The following SESN2 variants were observed in gnomAD, a reference collection of about 807,000 sequenced individuals.
The protein encoded by SESN2 is sestrin-2.
A neutral mutation model predicts 56.0 loss-of-function variants in SESN2; 42 were observed. That is an observed-to-expected ratio of 0.75 (90% CI 0.59 to 0.97). SESN2 has a LOEUF of 0.97. Among genes scored for constraint, SESN2 ranks in the 50% least tolerant of loss-of-function variants. The pLI is 0.00. For missense variants in SESN2, 507 were observed against 649.4 expected (o/e 0.78, Z 2.38); for synonymous variants, 264 against 267.1 (o/e 0.99, Z 0.11).
chr1:28,273,923 A>AG (rs747203590), intron 6 of SESN2, 117 bp from the exon 7 acceptor site: 6 of 726,560 alleles, frequency 8.3e-6, no homozygotes, highest in Non-Finnish European at 1.4e-5. Context: ...CACTATAGCA[A>AG]GGGGCTTTTT....
chr1:28,278,378 C>T (rs895383183), intron 8 of SESN2, among the ~76,000 whole-genome samples: 1 of 152,108 alleles, frequency 6.6e-6, no homozygotes, highest in African/African-American at 2.4e-5. Flanking sequence ...ACCAGCCTGA[C>T]CAACATGGTG....
intron 1 of SESN2, among the ~76,000 whole-genome samples, chr1:28,262,047 C>T (rs1383155500): frequency 6.6e-6 from 1 of 152,144 alleles, no homozygotes; most frequent in African/African-American, 2.4e-5. Context: ...TCCCAAAGTG[C>T]TGAGATTACC....
In SESN2 at chr1:28,279,084, C is replaced by T. The variant is rs773185742; in HGVS notation, c.1212-13C>T. The T allele has an allele frequency of 2.1e-5, 34 of 1,613,764 alleles. No individual in the cohort carries two copies. The highest frequency in any genetic ancestry group is 2.9e-5 in the Non-Finnish European group (34 of 1,179,892). On this transcript the variant is annotated splice_polypyrimidine_tract_variant and intron_variant, in intron 8 of 9. Transcript: ENST00000253063. Reference sequence around the variant, plus strand: ...GAAAGCATGAGTAATGCTGCTGGGACCTTTCCATCCAGATATGATGACTAT... The same window carrying T: ...GAAAGCATGAGTAATGCTGCTGGGATCTTTCCATCCAGATATGATGACTAT...
At chr1:28,279,611 T>C (rs1479525332) in intron 9 of SESN2, among the ~76,000 whole-genome samples, 1 of 151,940 alleles carries the variant, frequency 6.6e-6, no homozygotes, top group African/African-American at 2.4e-5. Flanking sequence ...AGTGGCACGA[T>C]CTTGGCTCAC....
intron 1 of SESN2, among the ~76,000 whole-genome samples, chr1:28,264,574 T>G (rs765113212): frequency 3.9e-5 from 6 of 152,196 alleles, no homozygotes; most frequent in Non-Finnish European, 8.8e-5. Context: ...TTTCTTGTTC[T>G]GTTACGTGGA....
intron 4 of SESN2, 44 bp from the exon 5 acceptor site, chr1:28,272,537 G>A (rs1647821996): frequency 6.2e-7 from 1 of 1,609,578 alleles, no homozygotes; most frequent in Admixed American, 1.7e-5. Context: ...GGTAACCCAG[G>A]GCAGGCACTG....
In SESN2 at chr1:28,273,344, G is replaced by T; in HGVS notation, c.751-14G>T. 1 of 1,565,452 alleles carries T rather than the reference G, an allele frequency of 6.4e-7. No homozygotes were observed. The highest frequency in any genetic ancestry group is 8.7e-7 in the Non-Finnish European group (1 of 1,153,706). On this transcript the variant is annotated splice_polypyrimidine_tract_variant and intron_variant, in intron 5 of 9. Transcript: ENST00000253063. ...GAGGAGGAGTAGCTGGTCACCACGG[G>T]GCCTCTCCTGCAGGGCTTTGAGTCT... is the stretch of plus-strand genomic sequence containing the variant.
intron 1 of SESN2, among the ~76,000 whole-genome samples, chr1:28,267,757 G>A (rs935263484): frequency 1.3e-5 from 2 of 152,124 alleles, no homozygotes; most frequent in Non-Finnish European, 2.9e-5. Context: ...TTCTAAAGAG[G>A]CTGCAGCATA....
intron 9 of SESN2, 109 bp downstream of exon 9, chr1:28,279,350 G>C (rs563161497): frequency 2.7e-5 from 30 of 1,126,418 alleles, no homozygotes; most frequent in Admixed American, 1.1e-4. Context: ...GTCCTGCTAG[G>C]TGGGACACCT....
chr1:28,269,314 A>G, intron 2 of SESN2, 66 bp downstream of exon 2: 2 of 1,056,456 alleles, frequency 1.9e-6, no homozygotes, highest in Admixed American at 2.2e-5. Flanking sequence ...ATTGGTAGGC[A>G]GGCATCTTTT....
At chr1:28,275,856 C>T (rs1251533108) in intron 8 of SESN2, among the ~76,000 whole-genome samples, 2 of 152,178 alleles carry the variant, frequency 1.3e-5, no homozygotes, top group South Asian at 4.1e-4. Context: ...GAGTTCAAGA[C>T]GAGCTTGGGC....
intron 1 of SESN2, among the ~76,000 whole-genome samples, chr1:28,268,661 G>A (rs1327369121): frequency 2.8e-4 from 41 of 148,722 alleles, no homozygotes; most frequent in Non-Finnish European, 5.8e-4. Flanking sequence ...GCGATACTCC[G>A]TCTCAAAAAA....
chr1:28,259,963 T>G, intron 1 of SESN2, 26 bp downstream of exon 1: 1 of 1,483,038 alleles, frequency 6.7e-7, no homozygotes, highest in Non-Finnish European at 9.0e-7. Context: ...GCGACGCCCC[T>G]CTTCCCTGGA....
chr1:28,260,180 C>T (rs966921716), intron 1 of SESN2, among the ~76,000 whole-genome samples: 3 of 150,484 alleles, frequency 2.0e-5, no homozygotes, highest in African/African-American at 7.3e-5. Context: ...CCCTCTCCCT[C>T]ACCGCCCCAC....
At chr1:28,263,950 C>T (rs1647470564) in intron 1 of SESN2, among the ~76,000 whole-genome samples, 1 of 151,814 alleles carries the variant, frequency 6.6e-6, no homozygotes, top group African/African-American at 2.4e-5. Context: ...CCATGCCAGG[C>T]ATGGTGGCTC....
intron 1 of SESN2, among the ~76,000 whole-genome samples, chr1:28,264,012 C>T (rs1207951097): frequency 6.7e-6 from 1 of 149,838 alleles, no homozygotes; most frequent in Non-Finnish European, 1.5e-5. Flanking sequence ...ATCGCTTGAG[C>T]CCAGGAGTTT....
chr1:28,276,377 G>A (rs1648040737), intron 8 of SESN2, among the ~76,000 whole-genome samples: 1 of 151,752 alleles, frequency 6.6e-6, no homozygotes, highest in Non-Finnish European at 1.5e-5. Context: ...TATTCTAGAG[G>A]CTGAGACAGG....
intron 1 of SESN2, among the ~76,000 whole-genome samples, chr1:28,263,924 G>A (rs932248443): frequency 9.2e-5 from 14 of 152,064 alleles, no homozygotes; most frequent in African/African-American, 3.4e-4. Context: ...CATATAGTAA[G>A]TGCTTAAATT....
In SESN2 at chr1:28,259,912, G is replaced by A. The variant is rs1454203203; in HGVS notation, c.65G>A (p.Gly22Asp). ...LKDYLRFAPG[G>D]VGDSGPGEEQ... is the part of the protein sequence containing the mutation. ...GACTACCTGCGGTTCGCCCCGGGCG[G>A]CGTCGGCGACTCGGGCCCCGGAGAG... The change falls in exon 1 of 10, where the codon GGC (glycine) becomes GAC (aspartate). Residue 22 changes from glycine (G) to aspartate (D), a missense_variant. Coordinates refer to ENST00000253063, the MANE Select transcript of SESN2 (RefSeq NM_031459.5). 6.8e-7 allele frequency: 1 copy of A among 1,477,730 alleles called. No homozygotes were observed. 91.5% of individuals were successfully genotyped at this position (1,477,730 alleles called of 1,614,324 possible).
Sources: gnomAD v4.1 joint callset for allele counts (sites outside exome capture counted in the v4.1 genomes callset) on GRCh38, gnomAD v4.1.1 for gene constraint, MANE v1.5 for transcripts, NCBI Gene and HGNC (gene_info 2026-07-23, HGNC 2026-07-21) for gene names.